Variants in SLC37A3 observed in about 807,000 individuals in gnomAD.
SLC37A3 encodes the protein sugar phosphate exchanger 3.
SLC37A3 carries 51 observed loss-of-function variants against 67.1 expected under a neutral mutation model. That is an observed-to-expected ratio of 0.76 (90% CI 0.61 to 0.96). The LOEUF is 0.96. Ranked by LOEUF, SLC37A3 falls within the 40% of genes least tolerant of loss-of-function variation. SLC37A3 has a pLI of 0.00. For missense variants in SLC37A3, 508 were observed against 603.0 expected, an observed-to-expected ratio of 0.84 and a Z score of 1.65; for synonymous variants, 214 against 231.4, an observed-to-expected ratio of 0.92 and a Z score of 0.68.
Position 140,352,102 on chromosome 7 carries a change from G to T in SLC37A3, c.663C>A (p.Ile221=). 6.2e-7 allele frequency: 1 copy of T among 1,613,336 alleles called. No individual in the cohort carries two copies. The highest frequency in any genetic ancestry group is 8.5e-7 in the Non-Finnish European group (1 of 1,179,850). Residue 221 remains isoleucine, a synonymous_variant, in exon 8 of 15, where the codon ATC becomes ATA. Coordinates refer to ENST00000326232, the MANE Select transcript of SLC37A3 (RefSeq NM_207113.3). The part of the protein sequence containing the change: ...VTASVQFAGG[I]VIFFGLLVSP... Reference sequence around the variant, plus strand: ...ACACCAGGAGTCCAAAGAAGATAACGATCCCACCAGCAAACTGCACAGACG... The same window carrying T: ...ACACCAGGAGTCCAAAGAAGATAACTATCCCACCAGCAAACTGCACAGACG...
intron 9 of SLC37A3, 129 bp downstream of exon 9, chr7:140,351,144 C>T: frequency 1.1e-6 from 1 of 892,138 alleles, no homozygotes; most frequent in Non-Finnish European, 1.7e-6. Flanking sequence ...CAACATTCCT[C>T]AGCACGTATA....
Position 140,378,460 on chromosome 7 carries a change from G to A in SLC37A3, c.198+1822C>T, listed in dbSNP as rs182637970. Among the ~76,000 whole-genome samples the A allele has an allele frequency of 6.4e-3, 975 of 152,252 alleles. 9 individuals carry two copies. The highest frequency in any genetic ancestry group is 0.01 in the Middle Eastern group (3 of 294). ...TCTTTAAGATTTATGATTCTGGGCC[G>A]GGAGCGGTGGCTCACACCTGTAATC... On this transcript the variant is annotated intron_variant, in intron 3 of 14. Transcript: ENST00000326232.
At chr7:140,378,351 G>A (rs187254311) in intron 3 of SLC37A3, among the ~76,000 whole-genome samples, 72 of 152,304 alleles carry the variant, frequency 4.7e-4, no homozygotes, top group African/African-American at 1.6e-3. Flanking sequence ...TGAAGCAGAA[G>A]CTGGATGATT....
Position 140,334,826 on chromosome 7 carries a change from C to A in SLC37A3, c.*586G>T. ...TAGATCAGACACAGAGTGACTGAGC[C>A]AATCAACAGGCATGTAGTGTGATCT... On this transcript the variant is annotated 3_prime_UTR_variant, in exon 15 of 15. Transcript: ENST00000326232. 1 of 181,520 alleles carries A rather than the reference C, an allele frequency of 5.5e-6. No individual in the cohort carries two copies. 11.2% of individuals were successfully genotyped at this position (181,520 alleles called of 1,614,324 possible).
intron 1 of SLC37A3, among the ~76,000 whole-genome samples, chr7:140,397,777 C>T (rs1485428250): frequency 6.6e-5 from 10 of 152,174 alleles, no homozygotes; most frequent in African/African-American, 2.2e-4. Flanking sequence ...TAAGAGTTAC[C>T]ACGAGATAGC....
chr7:140,394,478 C>G (rs1409239429), intron 1 of SLC37A3, among the ~76,000 whole-genome samples: 3 of 151,752 alleles, frequency 2.0e-5, no homozygotes, highest in African/African-American at 7.3e-5. Flanking sequence ...AAAAATCAGC[C>G]AGTTGTGGTG....
chr7:140,384,139 A>C (rs1353569380), intron 1 of SLC37A3, among the ~76,000 whole-genome samples: 1 of 152,236 alleles, frequency 6.6e-6, no homozygotes, highest in Non-Finnish European at 1.5e-5. Context: ...TAAATAAATT[A>C]TGGTATGTCT....
intron 13 of SLC37A3, chr7:140,337,606 T>G (rs1796194494): frequency 3.4e-6 from 1 of 290,028 alleles, no homozygotes. Flanking sequence ...ACTTTGCTAT[T>G]TAGAGAGGAA....
In SLC37A3 at chr7:140,380,293, G is replaced by A; in HGVS notation, c.187C>T (p.Leu63=). 6.2e-7 allele frequency: 1 copy of A among 1,609,696 alleles called. No individual in the cohort carries two copies. Among genetic ancestry groups the A allele is most frequent in the Non-Finnish European group, 8.5e-7 (1 of 1,176,260 alleles). ...TPSAFNTSVE[L]PVEIWSSNHL... ...TCTGTTCTGCTTACCTCCACAGGCA[G>A]CTCAACTGACGTGTTAAAAGCACTT... The change falls in exon 3 of 15, where the codon CTG becomes TTG. Residue 63 remains leucine (L), a synonymous_variant. Transcript: ENST00000326232.
intron 7 of SLC37A3, among the ~76,000 whole-genome samples, chr7:140,354,211 C>T (rs1424528207): frequency 6.6e-6 from 1 of 152,180 alleles, no homozygotes; most frequent in Non-Finnish European, 1.5e-5. Flanking sequence ...GCATCATTTG[C>T]ATGTGTTTTA....
intron 3 of SLC37A3, among the ~76,000 whole-genome samples, chr7:140,376,940 ATTTT>A (rs34892110): frequency 3.6e-5 from 4 of 110,516 alleles, no homozygotes; most frequent in Admixed American, 1.0e-4. Flanking sequence ...CACCCAGCTA[ATTTT>A]TTTTTTTTTT....
intron 7 of SLC37A3, among the ~76,000 whole-genome samples, chr7:140,355,136 AT>A (rs553308842): frequency 2.2e-4 from 33 of 151,964 alleles, no homozygotes; most frequent in Non-Finnish European, 3.7e-4. Flanking sequence ...GTTACGAATA[AT>A]TTTTTATGTG....
At chr7:140,390,307 C>T (rs1365219552) in intron 1 of SLC37A3, among the ~76,000 whole-genome samples, 2 of 152,138 alleles carry the variant, frequency 1.3e-5, no homozygotes, top group East Asian at 1.9e-4. Flanking sequence ...CAGAGATACA[C>T]GGTTAGCAAG....
chr7:140,357,505 A>G (rs1037163114), intron 6 of SLC37A3, among the ~76,000 whole-genome samples: 4 of 151,150 alleles, frequency 2.6e-5, no homozygotes, highest in African/African-American at 9.7e-5. Flanking sequence ...GCCGAGGCAG[A>G]ATAGCTTGAG....
chr7:140,382,461 TACA>T lies in SLC37A3; in HGVS notation c.63_65del (p.Val23del). On this transcript the variant is annotated inframe_deletion, in exon 2 of 15. Coordinates refer to ENST00000326232, the MANE Select transcript of SLC37A3 (RefSeq NM_207113.3). ...ACCTGAAGAAAGTGAGCAGGAACAC[TACA>T]ACATGATGATGGCTGAACTGGGACA... 1 of 1,614,088 alleles carries T rather than the reference TACA, an allele frequency of 6.2e-7. No homozygotes were observed. Among genetic ancestry groups the T allele is most frequent in the South Asian group, 1.1e-5 (1 of 91,084 alleles).
chr7:140,386,627 A>G (rs1027206161), intron 1 of SLC37A3, among the ~76,000 whole-genome samples: 4 of 152,250 alleles, frequency 2.6e-5, no homozygotes, highest in South Asian at 4.1e-4. Flanking sequence ...CTCTAAATAC[A>G]CACTGAACAA....
intron 12 of SLC37A3, among the ~76,000 whole-genome samples, chr7:140,344,860 C>T (rs1204260801): frequency 3.3e-5 from 5 of 152,186 alleles, no homozygotes. Flanking sequence ...TGACCAATTC[C>T]AACACAGGAG....
At chr7:140,369,071 C>G (rs969710939) in intron 4 of SLC37A3, among the ~76,000 whole-genome samples, 5 of 152,064 alleles carry the variant, frequency 3.3e-5, no homozygotes, top group Non-Finnish European at 7.4e-5. Context: ...TACCAAAACC[C>G]TACAGATCTG....
intron 5 of SLC37A3, among the ~76,000 whole-genome samples, chr7:140,363,740 C>CAAAAAAAAA (rs71170980): frequency 1.9e-5 from 2 of 107,862 alleles, no homozygotes; most frequent in African/African-American, 7.2e-5. Context: ...AACTCCGCCT[C>CAAAAAAAAA]AAAAAAAAAA....
Sources: gnomAD v4.1 joint callset for allele counts (sites outside exome capture counted in the v4.1 genomes callset) on GRCh38, gnomAD v4.1.1 for gene constraint, MANE v1.5 for transcripts, NCBI Gene and HGNC (gene_info 2026-07-23, HGNC 2026-07-21) for gene names.